Variants in PUM3 observed in about 807,000 individuals in gnomAD.
PUM3 encodes pumilio homolog 3.
In PUM3, 91 loss-of-function variants were observed where a neutral mutation model predicts 84.0. That is an observed-to-expected ratio of 1.08 (90% CI 0.91 to 1.29). PUM3 has a LOEUF of 1.29. PUM3 is among the 50% of genes most tolerant of loss of function. PUM3 has a pLI of 0.00. For missense variants in PUM3, 1,067 were observed against 767.5 expected (o/e 1.39, Z -4.61); for synonymous variants, 321 against 266.7 (o/e 1.20, Z -1.98).
chr9:2,805,644 T>C (rs551318376), intron 17 of PUM3, among the ~76,000 whole-genome samples: 3 of 152,346 alleles, frequency 2.0e-5, no homozygotes, highest in East Asian at 1.9e-4. Flanking sequence ...TTTTATTTCA[T>C]ACATCTTGGC....
At chr9:2,826,198 T>C (rs1815816104) in intron 10 of PUM3, among the ~76,000 whole-genome samples, 1 of 152,176 alleles carries the variant, frequency 6.6e-6, no homozygotes, top group Non-Finnish European at 1.5e-5. Context: ...AATGATTTTT[T>C]GCTGTTACTG....
chr9:2,804,443 A>C lies in PUM3; in HGVS notation c.1835T>G (p.Leu612Arg). The C allele has an allele frequency of 6.2e-7, 1 of 1,613,890 alleles. No individual in the cohort carries two copies. Among genetic ancestry groups the C allele is most frequent in the Non-Finnish European group, 8.5e-7 (1 of 1,179,924 alleles). The change falls in exon 18 of 18, where the codon CTG becomes CGG. Residue 612 changes from leucine (L) to arginine (R), a missense_variant. By Grantham distance (102) the Leu-to-Arg change is moderately radical (BLOSUM62 -2). Coordinates refer to ENST00000397885, the MANE Select transcript of PUM3 (RefSeq NM_014878.5). ...ILSSLLQSCDLEVANKVKAAL... is the reference protein window; with the variant it reads ...ILSSLLQSCDREVANKVKAAL... Reference sequence around the variant, plus strand: ...AGCTTTGACTTTGTTTGCAACTTCCAGGTCACAACTCTGGAGGAGGCTGAA... The same window carrying C: ...AGCTTTGACTTTGTTTGCAACTTCCCGGTCACAACTCTGGAGGAGGCTGAA...
chr9:2,812,445 C>A (rs1821393952), intron 13 of PUM3, 83 bp from the exon 14 acceptor site: 2 of 936,308 alleles, frequency 2.1e-6, no homozygotes, highest in Admixed American at 5.3e-5. Context: ...CCATATTTGC[C>A]ATTTACTATG....
chr9:2,839,359 A>G (rs541856943), intron 1 of PUM3, among the ~76,000 whole-genome samples: 2 of 152,350 alleles, frequency 1.3e-5, no homozygotes, highest in East Asian at 3.9e-4. Flanking sequence ...AGATATTTCT[A>G]GATTAGAATT....
In PUM3 at chr9:2,812,237, T is replaced by A. The variant is rs375441599; in HGVS notation, c.1395A>T (p.Gly465=). Residue 465 remains glycine (G), a synonymous_variant, in exon 14 of 18, where the codon GGA becomes GGT. Transcript: ENST00000397885. ...VREIIEVLQK[G]DGNAHSKKDT... ...GGTTTTACCTGTGTGCATTTCCATC[T>A]CCTTTTTGCAGAACTTCAATGATTT... is the stretch of plus-strand genomic sequence containing the variant. 1 of 1,613,728 alleles carries A rather than the reference T, an allele frequency of 6.2e-7. No individual in the cohort carries two copies. Among genetic ancestry groups the A allele is most frequent in the African/African-American group, 1.3e-5 (1 of 74,916 alleles).
At chr9:2,843,887 C>A (rs555660708) in intron 1 of PUM3, among the ~76,000 whole-genome samples, 158 bp downstream of exon 1, 230 of 152,262 alleles carry the variant, frequency 1.5e-3, no homozygotes, top group Non-Finnish European at 1.9e-3. Flanking sequence ...CAGTCCCGCC[C>A]TTCTTGCCAG....
chr9:2,811,547 T>C lies in PUM3; in HGVS notation c.1449A>G (p.Leu483=). The C allele has an allele frequency of 9.9e-6, 16 of 1,614,138 alleles. No homozygotes were observed. Among genetic ancestry groups the C allele is most frequent in the Non-Finnish European group, 1.3e-5 (15 of 1,179,992 alleles). Residue 483 remains leucine, a synonymous_variant, in exon 15 of 18, where the codon CTA becomes CTG. Coordinates refer to ENST00000397885, the MANE Select transcript of PUM3 (RefSeq NM_014878.5). ...KDTEVRRREL[L]ESISPALLSY... ...TTAACAAAGCTGGAGAAATGGATTC[T>C]AGGAGCTCCCGTCTGCGGACCTCTG...
At chr9:2,810,708 C>A (rs1821349306) in intron 15 of PUM3, among the ~76,000 whole-genome samples, 1 of 152,210 alleles carries the variant, frequency 6.6e-6, no homozygotes, top group South Asian at 2.1e-4. Context: ...TGAACAGTAG[C>A]AGCACAAGGC....
chr9:2,834,628 G>A (rs56182397), intron 3 of PUM3, among the ~76,000 whole-genome samples: 232 of 152,094 alleles, frequency 1.5e-3, no homozygotes, highest in African/African-American at 5.3e-3. Context: ...ACAACAACTC[G>A]AAGAGGTAGG....
chr9:2,817,356 T>C (rs997930492), intron 13 of PUM3, among the ~76,000 whole-genome samples: 1 of 152,176 alleles, frequency 6.6e-6, no homozygotes, highest in African/African-American at 2.4e-5. Flanking sequence ...TGCAAGCTAA[T>C]AATGGTTTTT....
chr9:2,826,290 G>T (rs576339141), intron 10 of PUM3, among the ~76,000 whole-genome samples: 16 of 152,182 alleles, frequency 1.1e-4, no homozygotes, highest in African/African-American at 3.6e-4. Flanking sequence ...ATATAGTCCT[G>T]CCTCAGAACC....
chr9:2,813,254 G>A (rs1014915817), intron 13 of PUM3, among the ~76,000 whole-genome samples: 2 of 152,178 alleles, frequency 1.3e-5, no homozygotes, highest in African/African-American at 4.8e-5. Flanking sequence ...TAAATCTGCT[G>A]TTTTCAAAGA....
intron 1 of PUM3, among the ~76,000 whole-genome samples, chr9:2,839,724 C>T (rs1012105246): frequency 6.6e-6 from 1 of 152,218 alleles, no homozygotes; most frequent in Non-Finnish European, 1.5e-5. Context: ...TGAAGGGTCA[C>T]ATTATTACTT....
rs529579850 is a variant in PUM3 at position 2,834,592 on chromosome 9, G to C, written c.305-426C>G. 2.0e-5 allele frequency among the ~76,000 whole-genome samples: 3 copies of C among 152,272 alleles called. No homozygotes were observed. In the East Asian group the frequency reaches 5.8e-4, roughly 29 times the overall value. On this transcript the variant is annotated intron_variant, in intron 3 of 17. Transcript: ENST00000397885. ...TCGAAAATTCACTGTTCTGAGTGCT[G>C]TTGTATATTAAGTCACTTATTTCTT...
At chr9:2,833,315 T>C in intron 5 of PUM3, 42 bp downstream of exon 5, 1 of 1,090,372 alleles carries the variant, frequency 9.2e-7, no homozygotes, top group Non-Finnish European at 1.4e-6. Flanking sequence ...GTGAGGCAAC[T>C]TCAACTGTTA....
intron 8 of PUM3, among the ~76,000 whole-genome samples, chr9:2,829,412 G>C (rs1374189148): frequency 1.3e-5 from 2 of 152,196 alleles, no homozygotes; most frequent in African/African-American, 4.8e-5. Flanking sequence ...TAGCAACAGA[G>C]AGCCCAATAC....
chr9:2,817,640 G>C (rs1419125796), intron 13 of PUM3, among the ~76,000 whole-genome samples: 1 of 152,128 alleles, frequency 6.6e-6, no homozygotes, highest in Non-Finnish European at 1.5e-5. Flanking sequence ...ATAGTGAAAG[G>C]ATAAGGAAAT....
In PUM3 at chr9:2,810,668, G is replaced by A. The variant is rs1821348404; in HGVS notation, c.1636-237C>T. Among the ~76,000 whole-genome samples, 3 of 152,144 alleles carry A rather than the reference G, an allele frequency of 2.0e-5. No homozygotes were observed. In the South Asian group the frequency reaches 6.2e-4, roughly 32 times the overall value. Reference sequence around the variant, plus strand: ...CCAGATAACACAGCCACGGCACAGCGCTTCAGTCTCCGCTTCATTTAATCT... The same window carrying A: ...CCAGATAACACAGCCACGGCACAGCACTTCAGTCTCCGCTTCATTTAATCT... On this transcript the variant is annotated intron_variant, in intron 15 of 17. Transcript: ENST00000397885.
rs763782401 is a variant in PUM3, at chr9:2,812,281, G to C, written c.1351C>G (p.Pro451Ala). The C allele has an allele frequency of 3.7e-6, 6 of 1,611,832 alleles. No homozygotes were observed. Among genetic ancestry groups the C allele is most frequent in the Middle Eastern group, 1.6e-4 (1 of 6,078 alleles). Residue 451 changes from proline to alanine, a missense_variant, in exon 14 of 18, where the codon CCT becomes GCT. Physicochemically the swap from Pro to Ala is conservative, Grantham distance 27. Coordinates refer to ENST00000397885, the MANE Select transcript of PUM3 (RefSeq NM_014878.5). ...ATGATTTCTCGTACTGTATGTGCAGGATCTCTGGGGCTTAGTAAGTACAAT... is the reference window on the plus strand; with the variant it reads ...ATGATTTCTCGTACTGTATGTGCAGCATCTCTGGGGCTTAGTAAGTACAAT... ...VLLYLLSPRD[P>A]AHTVREIIEV...
Sources: allele counts gnomAD v4.1 joint callset (sites outside exome capture counted in the v4.1 genomes callset), GRCh38; gene constraint gnomAD v4.1.1; transcripts MANE v1.5; gene names NCBI Gene and HGNC (gene_info 2026-07-23, HGNC 2026-07-21).